PRELID2: variants seen among roughly 807,000 people sequenced by gnomAD.
PRELID2 encodes PRELI domain-containing protein 2.
A neutral mutation model predicts 28.4 loss-of-function variants in PRELID2; 25 were observed. The ratio of observed to expected loss-of-function variants is 0.88; its 90% confidence interval spans 0.64 to 1.23. The LOEUF is 1.23. Ranked by LOEUF, PRELID2 falls within the 50% of genes most tolerant of loss-of-function variation. PRELID2 has a pLI of 0.00. For missense variants in PRELID2, 201 were observed against 214.4 expected (o/e 0.94, Z 0.39); for synonymous variants, 76 against 71.6 (o/e 1.06, Z -0.31).
intron 1 of PRELID2, among the ~76,000 whole-genome samples, chr5:145,709,752 G>T (rs1755643358): frequency 6.6e-6 from 1 of 152,118 alleles, no homozygotes; most frequent in Non-Finnish European, 1.5e-5. Context: ...TGCTCAAATA[G>T]TATGTAGACA....
At chr5:145,508,257 C>CTAGATAGAT (rs1554074616) in intron 1 of PRELID2, among the ~76,000 whole-genome samples, 2 of 149,504 alleles carry the variant, frequency 1.3e-5, no homozygotes, top group African/African-American at 4.9e-5. Context: ...TTTGCATAGA[C>CTAGATAGAT]AGATAGATAG....
intron 1 of PRELID2, among the ~76,000 whole-genome samples, chr5:145,649,301 A>G (rs1581026534): frequency 6.6e-6 from 1 of 152,166 alleles, no homozygotes. Flanking sequence ...GAGGGGCGGG[A>G]TCCGGAACCA....
At chr5:145,471,221 A>C (rs1051056260), downstream of PRELID2, among the ~76,000 whole-genome samples, 4 of 152,080 alleles carry the variant, frequency 2.6e-5, no homozygotes, top group African/African-American at 9.7e-5. Flanking sequence ...AAGCTATAAA[A>C]ATCTCTCTCA....
At chr5:145,452,050 T>C in the PRELID2 span, among the ~76,000 whole-genome samples, 1 of 152,196 alleles carries the variant, frequency 6.6e-6, no homozygotes, top group Non-Finnish European at 1.5e-5. Flanking sequence ...TGAAATATAA[T>C]ATCTTGCTAT....
chr5:145,831,346 CATAA>C (rs141936661), intron 1 of PRELID2, among the ~76,000 whole-genome samples: 2,744 of 152,286 alleles, frequency 0.018, 35 homozygotes, highest in Non-Finnish European at 0.029. Context: ...TTCTAATTTG[CATAA>C]ATAGTCTCAT....
At chr5:145,828,999 C>T (rs1241498396) in intron 1 of PRELID2, among the ~76,000 whole-genome samples, 3 of 151,474 alleles carry the variant, frequency 2.0e-5, no homozygotes, top group South Asian at 2.1e-4. Context: ...CACCATGCCC[C>T]GGCTAATTTT....
rs1418581997 is a variant in PRELID2 at position 145,759,193 on chromosome 5, G to C, written c.*1343C>G. On this transcript the variant is annotated 3_prime_UTR_variant, in exon 7 of 7. Transcript: ENST00000683046. Reference sequence around the variant, plus strand: ...TTTTTTTGTATTTTTAGTAGAGACGGGGTTTCACCATATTGGCCAGGCTGG... The same window carrying C: ...TTTTTTTGTATTTTTAGTAGAGACGCGGTTTCACCATATTGGCCAGGCTGG... 1 of 151,256 alleles carries C rather than the reference G, an allele frequency of 6.6e-6. No homozygotes were observed. The highest frequency in any genetic ancestry group is 1.5e-5 in the Non-Finnish European group (1 of 67,994). The allele number at this position is 151,256 out of a possible 1,614,324, so 9.4% of individuals were successfully genotyped here.
rs536655719 is a variant in PRELID2, at chr5:145,776,195, G to T, written c.475-11195C>A. On this transcript the variant is annotated intron_variant, in intron 5 of 6. Transcript: ENST00000683046. ...TTTTTAGTGCATGACATTCTGAGAC[G>T]TGTGATGAAATCTTCTGTCCTGGCA... is the stretch of plus-strand genomic sequence containing the variant. Among the ~76,000 whole-genome samples the T allele has an allele frequency of 3.0e-4, 46 of 152,282 alleles. No homozygotes were observed. The South Asian group carries it at 9.5e-3, about 32-fold the overall frequency.
intron 2 of PRELID2, among the ~76,000 whole-genome samples, 189 bp from the exon 3 acceptor site, chr5:145,820,207 T>G (rs546754155): frequency 4.3e-4 from 65 of 151,764 alleles, no homozygotes; most frequent in Non-Finnish European, 7.5e-4. Context: ...GTTCAAGGGA[T>G]TCTCCTGCCT....
chr5:145,638,395 C>CCA (rs200438286), intron 1 of PRELID2, among the ~76,000 whole-genome samples: 1 of 151,884 alleles, frequency 6.6e-6, no homozygotes, highest in African/African-American at 2.4e-5. Flanking sequence ...CCCCCTTCCC[C>CCA]CACACACACA....
chr5:145,799,324 A>C (rs1445640724), intron 4 of PRELID2, among the ~76,000 whole-genome samples: 1 of 152,140 alleles, frequency 6.6e-6, no homozygotes, highest in African/African-American at 2.4e-5. Flanking sequence ...AATAAACAAA[A>C]GCTAAGGCAG....
intron 1 of PRELID2, among the ~76,000 whole-genome samples, chr5:145,616,995 T>C (rs2149649098): frequency 6.6e-6 from 1 of 152,316 alleles, no homozygotes; most frequent in African/African-American, 2.4e-5. Flanking sequence ...GGATGTTCCT[T>C]GCTGAGAAAA....
the PRELID2 span, among the ~76,000 whole-genome samples, chr5:145,446,876 G>A: frequency 2.6e-5 from 4 of 151,658 alleles, no homozygotes; most frequent in African/African-American, 7.3e-5. Context: ...GTGAAACCTC[G>A]TCTCTACTAG....
At chr5:145,777,268 T>C (rs6893977) in intron 5 of PRELID2, among the ~76,000 whole-genome samples, 4,650 of 152,228 alleles carry the variant, frequency 0.031, 239 homozygotes, top group African/African-American at 0.1. Context: ...AGCAGTTCAA[T>C]TGTAGCTCAC....
At chr5:145,355,529 T>C in the PRELID2 span, among the ~76,000 whole-genome samples, 1 of 152,276 alleles carries the variant, frequency 6.6e-6, no homozygotes, top group East Asian at 1.9e-4. Context: ...AAAAAGGATC[T>C]TAGAAATTTA....
chr5:145,485,999 G>C (rs921186745), intron 1 of PRELID2, among the ~76,000 whole-genome samples: 1 of 152,114 alleles, frequency 6.6e-6, no homozygotes, highest in African/African-American at 2.4e-5. Context: ...ACTTTCATAC[G>C]TACACCTATT....
At chr5:145,332,461 A>G in the PRELID2 span, among the ~76,000 whole-genome samples, 1 of 151,888 alleles carries the variant, frequency 6.6e-6, no homozygotes, top group Non-Finnish European at 1.5e-5. Context: ...GGCTTTGTTC[A>G]TTCCTTTTTA....
the PRELID2 span, among the ~76,000 whole-genome samples, chr5:145,270,760 T>C: frequency 2.0e-5 from 3 of 152,126 alleles, no homozygotes; most frequent in South Asian, 6.2e-4. Context: ...TGTAGAACTG[T>C]AAAATTAATA....
At chr5:145,821,253 GTGTGTA>G (rs1754799402) in intron 2 of PRELID2, among the ~76,000 whole-genome samples, 2 of 150,314 alleles carry the variant, frequency 1.3e-5, no homozygotes, top group African/African-American at 4.9e-5. Flanking sequence ...GCCCTCTTCT[GTGTGTA>G]TGTGTGTGTA....
Sources: gnomAD v4.1 joint callset for allele counts (sites outside exome capture counted in the v4.1 genomes callset) on GRCh38, gnomAD v4.1.1 for gene constraint, MANE v1.5 for transcripts, NCBI Gene and HGNC (gene_info 2026-07-23, HGNC 2026-07-21) for gene names.